POLQ: variants seen among roughly 807,000 people sequenced by gnomAD.
The protein encoded by POLQ is epididymis secretory sperm binding protein.
In POLQ, 233 loss-of-function variants were observed where a neutral mutation model predicts 259.2. The ratio of observed to expected loss-of-function variants is 0.90; its 90% CI spans 0.81 to 1.00. The LOEUF (loss-of-function observed/expected upper bound fraction) is 1.00. Among genes scored for constraint, POLQ ranks in the 50% least tolerant of loss-of-function variants. The pLI, the probability that POLQ is intolerant of heterozygous loss-of-function variation, is 0.00. For missense variants in POLQ, 2,871 were observed against 3,051.6 expected (o/e 0.94, Z 1.39); for synonymous variants, 1,025 against 1,048.8 (o/e 0.98, Z 0.44).
intron 12 of POLQ, among the ~76,000 whole-genome samples, chr3:121,501,656 C>T (rs1339367814): frequency 5.5e-5 from 5 of 90,588 alleles, no homozygotes; most frequent in East Asian, 2.9e-4. Context: ...AGCGAGACTC[C>T]GTCTCAAAAA....
At chr3:121,462,186 G>T (rs936929197) in intron 24 of POLQ, among the ~76,000 whole-genome samples, 1 of 152,030 alleles carries the variant, frequency 6.6e-6, no homozygotes, top group Non-Finnish European at 1.5e-5. Context: ...TCACACAAGG[G>T]ATACTCAAAC....
Position 121,493,642 on chromosome 3 carries a change from C to T in POLQ, c.2358G>A (p.Thr786=), listed in dbSNP as rs778716268. 4.4e-5 allele frequency: 71 copies of T among 1,613,936 alleles called. No individual in the cohort carries two copies. The highest frequency in any genetic ancestry group is 5.4e-5 in the Non-Finnish European group (64 of 1,179,992). Residue 786 remains threonine, a synonymous_variant, in exon 15 of 30, where the codon ACG becomes ACA. Transcript: ENST00000264233. ...CACACAGCTCCCTCTGGATGCCAAACGTAAGACGCTTCTGAAATTGGGAAA... is the reference window on the plus strand; with the variant it reads ...CACACAGCTCCCTCTGGATGCCAAATGTAAGACGCTTCTGAAATTGGGAAA... ...LLLSQFQKRL[T]FGIQRELCDL...
chr3:121,527,576 G>A (rs953713456), intron 7 of POLQ, among the ~76,000 whole-genome samples: 24 of 152,196 alleles, frequency 1.6e-4, no homozygotes, highest in Non-Finnish European at 2.8e-4. Flanking sequence ...TTCATAAAAT[G>A]TGCAAAGCTG....
At chr3:121,455,806 C>T (rs2047730918) in intron 25 of POLQ, among the ~76,000 whole-genome samples, 1 of 152,142 alleles carries the variant, frequency 6.6e-6, no homozygotes, top group South Asian at 2.1e-4. Context: ...ACCAGAGTTA[C>T]AAGGAGGAAC....
At chr3:121,540,953 G>A (rs575168560) in intron 3 of POLQ, among the ~76,000 whole-genome samples, 31 of 150,630 alleles carry the variant, frequency 2.1e-4, no homozygotes, top group East Asian at 3.9e-4. Context: ...GTGCAATAGC[G>A]TGATCTCGGC....
chr3:121,451,875 GC>G (rs2047680411), intron 25 of POLQ, among the ~76,000 whole-genome samples: 1 of 152,344 alleles, frequency 6.6e-6, no homozygotes, highest in African/African-American at 2.4e-5. Flanking sequence ...GCTATGCCCT[GC>G]CCCCAGAGGT....
intron 2 of POLQ, 35 bp downstream of exon 2, chr3:121,544,692 T>C (rs1445057844): frequency 2.2e-6 from 3 of 1,387,752 alleles, no homozygotes; most frequent in Non-Finnish European, 2.0e-6. Flanking sequence ...ATTCATATCT[T>C]AAAAATAGTA....
At chr3:121,457,469 T>G (rs964013377) in intron 25 of POLQ, among the ~76,000 whole-genome samples, 15 of 152,166 alleles carry the variant, frequency 9.9e-5, no homozygotes, top group South Asian at 4.2e-4. Context: ...GGGAGAAAAT[T>G]TTCGCAACCT....
intron 9 of POLQ, among the ~76,000 whole-genome samples, chr3:121,518,390 G>T (rs1487773697): frequency 6.6e-6 from 1 of 152,168 alleles, no homozygotes; most frequent in Non-Finnish European, 1.5e-5. Context: ...TTAAAAAGAA[G>T]CTTGTTCACA....
intron 26 of POLQ, among the ~76,000 whole-genome samples, chr3:121,444,272 T>C (rs942638130): frequency 5.3e-5 from 8 of 152,186 alleles, no homozygotes; most frequent in Non-Finnish European, 1.2e-4. Context: ...CAATTTCTAG[T>C]ATCAGTGTTT....
intron 14 of POLQ, among the ~76,000 whole-genome samples, chr3:121,495,644 A>C (rs1278672321): frequency 6.6e-6 from 1 of 150,492 alleles, no homozygotes; most frequent in Non-Finnish European, 1.5e-5. Context: ...GGAGATCGAG[A>C]CCATCCTGGC....
chr3:121,496,181 C>CTT (rs71133540), intron 14 of POLQ, among the ~76,000 whole-genome samples: 88,341 of 142,356 alleles, frequency 0.62, 27,908 homozygotes, highest in East Asian at 0.88. Context: ...TAATCAGTAC[C>CTT]TTTTTTTTTT....
chr3:121,507,689 T>C (rs888878496), intron 12 of POLQ, among the ~76,000 whole-genome samples: 1 of 152,138 alleles, frequency 6.6e-6, no homozygotes, highest in African/African-American at 2.4e-5. Flanking sequence ...ACTGTGCCAC[T>C]GCACTCCAGC....
At chr3:121,455,547 G>C (rs1230056949) in intron 25 of POLQ, among the ~76,000 whole-genome samples, 1 of 151,598 alleles carries the variant, frequency 6.6e-6, no homozygotes, top group African/African-American at 2.4e-5. Context: ...AAGGATAAAG[G>C]GGATATCACC....
At chr3:121,473,250 G>T in intron 21 of POLQ, 100 bp downstream of exon 21, 1 of 1,040,924 alleles carries the variant, frequency 9.6e-7, no homozygotes, top group Non-Finnish European at 1.4e-6. Flanking sequence ...AAATTCAAAT[G>T]GTAGGCTAAG....
chr3:121,522,248 C>A, intron 7 of POLQ, 99 bp from the exon 8 acceptor site: 1 of 426,032 alleles, frequency 2.3e-6, no homozygotes, highest in Non-Finnish European at 4.0e-6. Context: ...GGGAATGGTT[C>A]TGAAACTGCT....
chr3:121,507,620 A>G (rs1302523014), intron 12 of POLQ, among the ~76,000 whole-genome samples: 4 of 152,070 alleles, frequency 2.6e-5, no homozygotes, highest in Non-Finnish European at 5.9e-5. Context: ...CCAGCTACTC[A>G]GGAGGCTAAG....
At chr3:121,503,471 T>C (rs1279019294) in intron 12 of POLQ, among the ~76,000 whole-genome samples, 1 of 152,208 alleles carries the variant, frequency 6.6e-6, no homozygotes, top group African/African-American at 2.4e-5. Flanking sequence ...CCGACTGTAG[T>C]TGAAAACTTC....
intron 9 of POLQ, among the ~76,000 whole-genome samples, chr3:121,517,181 G>A (rs972764280): frequency 4.6e-5 from 7 of 152,162 alleles, no homozygotes; most frequent in African/African-American, 1.4e-4. Flanking sequence ...CCAGAGGTGT[G>A]AGTCCACTGA....
Sources: gnomAD v4.1 joint callset for allele counts (sites outside exome capture counted in the v4.1 genomes callset) on GRCh38, gnomAD v4.1.1 for gene constraint, MANE v1.5 for transcripts, NCBI Gene and HGNC (gene_info 2026-07-23, HGNC 2026-07-21) for gene names.